PRKCH: variants seen among roughly 807,000 people sequenced by gnomAD.
The protein encoded by PRKCH is protein kinase C eta type.
A neutral mutation model predicts 82.5 loss-of-function variants in PRKCH; 28 were observed. The ratio of observed to expected loss-of-function variants is 0.34; its 90% confidence interval spans 0.25 to 0.47. The LOEUF (loss-of-function observed/expected upper bound fraction) is 0.47, where lower values mean the gene tolerates loss of function less well. PRKCH is among the 20% of genes least tolerant of loss of function. The pLI is 1.00. For missense variants in PRKCH, 705 were observed against 881.8 expected (o/e 0.80, Z 2.54); for synonymous variants, 322 against 327.4 (o/e 0.98, Z 0.18).
chr14:61,337,098 C>T (rs1297078338), intron 1 of PRKCH, among the ~76,000 whole-genome samples: 3 of 142,192 alleles, frequency 2.1e-5, no homozygotes, highest in South Asian at 2.2e-4. Flanking sequence ...AAAAGTACAT[C>T]GTTTGAATAT....
chr14:61,459,455 C>A (rs1438623360), intron 9 of PRKCH, among the ~76,000 whole-genome samples: 1 of 152,184 alleles, frequency 6.6e-6, no homozygotes, highest in Admixed American at 6.5e-5. Flanking sequence ...GCACACACAG[C>A]ATATCGAGGT....
At chr14:61,485,425 C>G in intron 9 of PRKCH, 77 bp from the exon 10 acceptor site, 1 of 1,532,220 alleles carries the variant, frequency 6.5e-7, no homozygotes, top group African/African-American at 1.4e-5. Context: ...ATGCCACAGC[C>G]TTAGGCAATA....
intron 10 of PRKCH, among the ~76,000 whole-genome samples, chr14:61,511,297 G>A (rs1425331821): frequency 6.6e-6 from 1 of 152,056 alleles, no homozygotes; most frequent in Non-Finnish European, 1.5e-5. Context: ...GGTGACTGTG[G>A]CCCAGGGTGA....
At chr14:61,452,897 G>A (rs949607873) in intron 6 of PRKCH, 5 of 287,028 alleles carry the variant, frequency 1.7e-5, no homozygotes, top group Admixed American at 4.9e-5. Flanking sequence ...TTGCCGCTAC[G>A]ATAAAGGTTT....
intron 5 of PRKCH, 119 bp from the exon 6 acceptor site, chr14:61,450,723 A>G: frequency 8.2e-7 from 1 of 1,214,810 alleles, no homozygotes; most frequent in Non-Finnish European, 1.1e-6. Flanking sequence ...ACAGTAAAAT[A>G]ATATACCTAG....
At chr14:61,524,068 C>G (rs1473230131) in intron 10 of PRKCH, among the ~76,000 whole-genome samples, 1 of 152,220 alleles carries the variant, frequency 6.6e-6, no homozygotes, top group Non-Finnish European at 1.5e-5. Flanking sequence ...ATATAAATAG[C>G]CTCCTAGATT....
At chr14:61,358,390 G>T (rs1057079153) in intron 1 of PRKCH, among the ~76,000 whole-genome samples, 7 of 152,112 alleles carry the variant, frequency 4.6e-5, no homozygotes, top group Admixed American at 2.0e-4. Flanking sequence ...GCTCCTTAAT[G>T]CCTGTTTTCT....
At position 61,322,465 on chromosome 14, in the gene PRKCH, G is replaced by T. The variant is rs775414845; in HGVS notation, c.363+1G>T. 6.3e-7 allele frequency: 1 copy of T among 1,590,554 alleles called. No individual in the cohort carries two copies. The highest frequency in any genetic ancestry group is 2.3e-5 in the East Asian group (1 of 44,180). ...CGCCTCGGACACCTTCGAGGGTTGG[G>T]TGAGTAGCGGTGACCCCTTCCCTTT... On this transcript the variant is annotated splice_donor_variant, in intron 1 of 13. Coordinates refer to ENST00000332981, the MANE Select transcript of PRKCH (RefSeq NM_006255.5). LOFTEE classifies it high-confidence loss of function.
intron 2 of PRKCH, among the ~76,000 whole-genome samples, chr14:61,430,815 C>T (rs987172156): frequency 6.6e-6 from 1 of 150,606 alleles, no homozygotes; most frequent in Non-Finnish European, 1.5e-5. Flanking sequence ...AATGCGGTGT[C>T]GTGATCTCAG....
chr14:61,513,415 G>A (rs1206821125), intron 10 of PRKCH, among the ~76,000 whole-genome samples: 1 of 152,086 alleles, frequency 6.6e-6, no homozygotes, highest in East Asian at 1.9e-4. Context: ...AAACACCATT[G>A]GAGCACAGGC....
intron 1 of PRKCH, among the ~76,000 whole-genome samples, chr14:61,325,357 G>A (rs1051356565): frequency 6.6e-6 from 1 of 152,202 alleles, no homozygotes; most frequent in Non-Finnish European, 1.5e-5. Flanking sequence ...TGCCAAGAAG[G>A]CAACTCAGTG....
intron 9 of PRKCH, among the ~76,000 whole-genome samples, chr14:61,479,657 G>A (rs1885880644): frequency 1.3e-5 from 2 of 152,164 alleles, no homozygotes; most frequent in Admixed American, 1.3e-4. Flanking sequence ...CCCTTAATGA[G>A]GGGGCCTTAG....
chr14:61,391,569 G>A (rs1032426209), intron 2 of PRKCH, among the ~76,000 whole-genome samples: 2 of 150,890 alleles, frequency 1.3e-5, no homozygotes, highest in Non-Finnish European at 1.5e-5. Flanking sequence ...TGGTTTTTGC[G>A]TCTTTTTGGT....
In PRKCH at chr14:61,505,385, C is replaced by CTT. The variant is rs1887093805; in HGVS notation, c.1433+19732_1433+19733dup. On this transcript the variant is annotated intron_variant, in intron 10 of 13. Transcript: ENST00000332981. Reference sequence around the variant, plus strand: ...CTCTCTAGGATTTGTCTTTTCTTTTCTTTTCTTTTCTTTTTTTTTTTTTTT... The same window carrying CTT: ...CTCTCTAGGATTTGTCTTTTCTTTTCTTTTTTCTTTTCTTTTTTTTTTTTTTT... Among the ~76,000 whole-genome samples the CTT allele has an allele frequency of 2.5e-4, 19 of 75,068 alleles. 1 individual carries two copies. The East Asian group carries it at 3.7e-3, about 15-fold the overall frequency. 49.2% of individuals were successfully genotyped at this position (75,068 alleles called of 152,430 possible).
chr14:61,371,816 T>A (rs757885863), intron 1 of PRKCH, among the ~76,000 whole-genome samples: 6 of 152,062 alleles, frequency 3.9e-5, no homozygotes, highest in Non-Finnish European at 7.3e-5. Context: ...TGGAGAATTA[T>A]GCTCTACCTC....
chr14:61,446,556 C>G (rs1413400943), intron 4 of PRKCH, among the ~76,000 whole-genome samples: 1 of 152,204 alleles, frequency 6.6e-6, no homozygotes, highest in Non-Finnish European at 1.5e-5. Flanking sequence ...AACATTACTT[C>G]CCTTGGATGG....
chr14:61,252,403 C>A (rs888428223), intron 1 of PRKCH, among the ~76,000 whole-genome samples: 1 of 152,208 alleles, frequency 6.6e-6, no homozygotes, highest in African/African-American at 2.4e-5. Flanking sequence ...TGTGAATTTG[C>A]TCTGAGTTCC....
chr14:61,234,366 G>A (rs2044770757), intron 1 of PRKCH, among the ~76,000 whole-genome samples: 1 of 152,148 alleles, frequency 6.6e-6, no homozygotes, highest in Non-Finnish European at 1.5e-5. Flanking sequence ...ACAAAATATA[G>A]TCATTATACT....
At chr14:61,490,115 T>A (rs551101395) in intron 10 of PRKCH, among the ~76,000 whole-genome samples, 42 of 152,352 alleles carry the variant, frequency 2.8e-4, no homozygotes, top group African/African-American at 9.4e-4. Flanking sequence ...GCTGTTGGCA[T>A]GCTGGGTGCA....
Sources: gnomAD v4.1 joint callset for allele counts (sites outside exome capture counted in the v4.1 genomes callset) on GRCh38, gnomAD v4.1.1 for gene constraint, MANE v1.5 for transcripts, NCBI Gene and HGNC (gene_info 2026-07-23, HGNC 2026-07-21) for gene names.